The following EFNA5 variants were observed in gnomAD, a reference collection of about 807,000 sequenced individuals.
EFNA5 encodes ephrin A5, also known as ephrin-A5.
In EFNA5, 5 loss-of-function variants were observed where a neutral mutation model predicts 22.9. That is an observed-to-expected ratio of 0.22 (90% CI 0.11 to 0.46). EFNA5 has a LOEUF of 0.46. EFNA5 is among the 20% of genes least tolerant of loss of function. EFNA5 has a pLI of 0.99. For missense variants in EFNA5, 237 were observed against 293.3 expected (o/e 0.81, Z 1.40); for synonymous variants, 113 against 112.2 (o/e 1.01, Z -0.04).
chr5:107,634,407 C>T (rs1156596044), intron 1 of EFNA5, among the ~76,000 whole-genome samples: 1 of 152,054 alleles, frequency 6.6e-6, no homozygotes, highest in Non-Finnish European at 1.5e-5. Context: ...GTCCTAGTTA[C>T]TTAGGAGGCT....
chr5:107,524,115 C>A (rs1253442576), intron 1 of EFNA5, among the ~76,000 whole-genome samples: 1 of 152,166 alleles, frequency 6.6e-6, no homozygotes, highest in African/African-American at 2.4e-5. Context: ...TACTATTTAA[C>A]CTCTTTTCAC....
chr5:107,504,342 T>C (rs1053099636), intron 1 of EFNA5, among the ~76,000 whole-genome samples: 3 of 151,888 alleles, frequency 2.0e-5, no homozygotes, highest in Non-Finnish European at 4.4e-5. Context: ...TGCTGTTAAG[T>C]AAAGCAAAAT....
Position 107,592,547 on chromosome 5 carries a change from C to T in EFNA5, c.125+77942G>A, listed in dbSNP as rs771495834. Among the ~76,000 whole-genome samples the T allele has an allele frequency of 3.9e-5, 6 of 152,046 alleles. No homozygotes were observed. The South Asian group carries it at 1.0e-3, about 26-fold the overall frequency. ...TCTAAAATTACTTAAAAACTGGTCT[C>T]GATGTCGAGGAAATGAGACAGACCA... is the stretch of plus-strand genomic sequence containing the variant. On this transcript the variant is annotated intron_variant, in intron 1 of 4. Coordinates refer to ENST00000333274, the MANE Select transcript of EFNA5 (RefSeq NM_001962.3).
intron 1 of EFNA5, among the ~76,000 whole-genome samples, chr5:107,545,714 C>A (rs1200368052): frequency 6.6e-6 from 1 of 152,116 alleles, no homozygotes; most frequent in Non-Finnish European, 1.5e-5. Flanking sequence ...TTCAACAGCA[C>A]ACAAATGCAA....
chr5:107,478,290 C>G (rs712546), intron 1 of EFNA5, among the ~76,000 whole-genome samples: 3,936 of 152,238 alleles, frequency 0.026, 85 homozygotes, highest in Non-Finnish European at 0.04. Context: ...GAGTAATATT[C>G]TCAGCATTAT....
intron 2 of EFNA5, among the ~76,000 whole-genome samples, chr5:107,425,763 T>C (rs1048625467): frequency 5.9e-5 from 9 of 152,238 alleles, no homozygotes; most frequent in African/African-American, 2.2e-4. Flanking sequence ...ATTGTGATGG[T>C]GAAATCTGAC....
At chr5:107,575,660 G>C (rs777033319) in intron 1 of EFNA5, among the ~76,000 whole-genome samples, 17 of 152,122 alleles carry the variant, frequency 1.1e-4, no homozygotes, top group Non-Finnish European at 2.1e-4. Flanking sequence ...TGAGCTCAAT[G>C]AAAACAAGTA....
chr5:107,466,200 C>T (rs1749976339), intron 1 of EFNA5, among the ~76,000 whole-genome samples: 1 of 152,170 alleles, frequency 6.6e-6, no homozygotes, highest in Non-Finnish European at 1.5e-5. Flanking sequence ...GCCAAAGCTT[C>T]TTTCATGATA....
chr5:107,519,808 T>C (rs1041310840), intron 1 of EFNA5, among the ~76,000 whole-genome samples: 9 of 152,198 alleles, frequency 5.9e-5, no homozygotes, highest in Admixed American at 1.3e-4. Flanking sequence ...AGGAGAGCAG[T>C]TAGTGCATTT....
At chr5:107,560,417 T>A (rs143312705) in intron 1 of EFNA5, among the ~76,000 whole-genome samples, 1 of 152,324 alleles carries the variant, frequency 6.6e-6, no homozygotes, top group Non-Finnish European at 1.5e-5. Context: ...TATTATGTAG[T>A]CTCAACCATA....
At chr5:107,527,748 T>G (rs1230598748) in intron 1 of EFNA5, among the ~76,000 whole-genome samples, 1 of 152,116 alleles carries the variant, frequency 6.6e-6, no homozygotes, top group Non-Finnish European at 1.5e-5. Context: ...AACACCCAGA[T>G]GTGGCAGGTA....
intron 1 of EFNA5, among the ~76,000 whole-genome samples, chr5:107,580,737 AAAAGAAAAG>A (rs1402724645): frequency 2.1e-4 from 30 of 144,222 alleles, no homozygotes; most frequent in Non-Finnish European, 3.2e-4. Flanking sequence ...AAAAAAAAAA[AAAAGAAAAG>A]AAAAGAAAAG....
In EFNA5 at chr5:107,519,480, AT is replaced by A. The variant is rs201261421; in HGVS notation, c.126-91972del. Among the ~76,000 whole-genome samples, 65 of 152,344 alleles carry A rather than the reference AT, an allele frequency of 4.3e-4. No homozygotes were observed. In the East Asian group the frequency reaches 0.012, roughly 29 times the overall value. ...TGGAAAACTTTTTCTCACTTAATCC[AT>A]TTCATCCTGTAGAAAGCCCTGTTCA... On this transcript the variant is annotated intron_variant, in intron 1 of 4. Coordinates refer to ENST00000333274, the MANE Select transcript of EFNA5 (RefSeq NM_001962.3).
chr5:107,519,856 G>A (rs1414587486), intron 1 of EFNA5, among the ~76,000 whole-genome samples: 3 of 152,234 alleles, frequency 2.0e-5, no homozygotes, highest in East Asian at 1.9e-4. Flanking sequence ...AAATCTTCAC[G>A]CAAAGTTTCC....
At chr5:107,489,421 C>G (rs892827736) in intron 1 of EFNA5, among the ~76,000 whole-genome samples, 9 of 151,692 alleles carry the variant, frequency 5.9e-5, no homozygotes, top group Non-Finnish European at 1.5e-5. Flanking sequence ...TCTGCCTGCC[C>G]TGGCCTCCCA....
chr5:107,591,113 G>C (rs1460659965), intron 1 of EFNA5, among the ~76,000 whole-genome samples: 1 of 146,520 alleles, frequency 6.8e-6, no homozygotes, highest in African/African-American at 2.5e-5. Flanking sequence ...TTTTCCACGT[G>C]TTTGGGTAGG....
At chr5:107,475,379 T>C (rs901758151) in intron 1 of EFNA5, among the ~76,000 whole-genome samples, 7 of 152,190 alleles carry the variant, frequency 4.6e-5, no homozygotes, top group African/African-American at 1.7e-4. Flanking sequence ...AGATGGTTTG[T>C]AGTGTTCAGT....
At chr5:107,637,775 T>C (rs919643176) in intron 1 of EFNA5, among the ~76,000 whole-genome samples, 3 of 149,148 alleles carry the variant, frequency 2.0e-5, no homozygotes, top group Non-Finnish European at 4.4e-5. Context: ...TAATAATATA[T>C]ATAATCAGTT....
chr5:107,569,069 G>C (rs545822905), intron 1 of EFNA5, among the ~76,000 whole-genome samples: 1 of 151,914 alleles, frequency 6.6e-6, no homozygotes, highest in Non-Finnish European at 1.5e-5. Flanking sequence ...GCAAAGATAC[G>C]CATAGTTAAA....
Sources: allele counts gnomAD v4.1 joint callset (sites outside exome capture counted in the v4.1 genomes callset), GRCh38; gene constraint gnomAD v4.1.1; transcripts MANE v1.5; gene names NCBI Gene and HGNC (gene_info 2026-07-23, HGNC 2026-07-21).